Variants in LOC400499 observed in about 807,000 individuals in gnomAD.
At chr16:11,394,856 G>A in the LOC400499 span, among the ~76,000 whole-genome samples, 1 of 152,218 alleles carries the variant, frequency 6.6e-6, no homozygotes, top group African/African-American at 2.4e-5. Context: ...TGGCCCTGCT[G>A]ACAACTTGCT....
chr16:11,446,821 G>C, the LOC400499 span: 2 of 1,536,166 alleles, frequency 1.3e-6, no homozygotes, highest in East Asian at 4.9e-5. Flanking sequence ...GACAACCCTA[G>C]TCTCCAGGGA....
the LOC400499 span, chr16:11,514,443 G>A: frequency 0.6 from 239,846 of 398,914 alleles, 73,897 homozygotes; most frequent in Admixed American, 0.66. Context: ...GCCTTTGCAG[G>A]AAGTGGCCCC....
At chr16:11,446,935 C>A in the LOC400499 span, 1 of 1,523,858 alleles carries the variant, frequency 6.6e-7, no homozygotes, top group Non-Finnish European at 8.8e-7. Flanking sequence ...GAAAAACAGG[C>A]CAAAGCCATT....
At chr16:11,493,065 G>A in the LOC400499 span, among the ~76,000 whole-genome samples, 1 of 152,188 alleles carries the variant, frequency 6.6e-6, no homozygotes, top group Non-Finnish European at 1.5e-5. Context: ...GCAATGTGCT[G>A]GGGAGGAGGG....
chr16:11,526,889 T>C, the LOC400499 span, among the ~76,000 whole-genome samples: 5 of 152,128 alleles, frequency 3.3e-5, no homozygotes, highest in African/African-American at 1.2e-4. Context: ...AATCCCTGCC[T>C]TGTCTGAGTT....
At chr16:11,466,395 T>G in the LOC400499 span, among the ~76,000 whole-genome samples, 1 of 66,642 alleles carries the variant, frequency 1.5e-5, no homozygotes, top group Non-Finnish European at 2.8e-5. Flanking sequence ...TCATTTAGAT[T>G]TTTTTTTTTT....
At chr16:11,427,651 G>T in the LOC400499 span, among the ~76,000 whole-genome samples, 1 of 152,018 alleles carries the variant, frequency 6.6e-6, no homozygotes, top group African/African-American at 2.4e-5. Context: ...TCCCTATGTT[G>T]CCCAGGCTGG....
At chr16:11,487,853 T>C in the LOC400499 span, among the ~76,000 whole-genome samples, 11,622 of 152,176 alleles carry the variant, frequency 0.076, 804 homozygotes, top group East Asian at 0.31. Context: ...CAGTGGCTCA[T>C]GCCTGTAATC....
At chr16:11,460,970 G>A in the LOC400499 span, 5 of 1,534,122 alleles carry the variant, frequency 3.3e-6, no homozygotes, top group Admixed American at 3.9e-5. Flanking sequence ...TTACCCAGGA[G>A]GCTGTACTGG....
the LOC400499 span, among the ~76,000 whole-genome samples, chr16:11,432,409 A>AC: frequency 6.6e-6 from 1 of 152,230 alleles, no homozygotes; most frequent in African/African-American, 2.4e-5. Context: ...TCCTTACAAA[A>AC]GCCCTGTGAG....
the LOC400499 span, among the ~76,000 whole-genome samples, chr16:11,377,224 T>C: frequency 2.6e-5 from 4 of 152,244 alleles, no homozygotes; most frequent in Non-Finnish European, 4.4e-5. Flanking sequence ...TGACAAATTA[T>C]TAGTTCTAAC....
At chr16:11,499,227 C>G in the LOC400499 span, among the ~76,000 whole-genome samples, 6 of 748 alleles carry the variant, frequency 8.0e-3, 2 homozygotes, top group Non-Finnish European at 0.014. Context: ...GGAAGGGAGG[C>G]AGAGGGGAGG....
chr16:11,382,171 C>T, the LOC400499 span, among the ~76,000 whole-genome samples: 4 of 152,182 alleles, frequency 2.6e-5, no homozygotes, highest in Non-Finnish European at 5.9e-5. Flanking sequence ...CTCCTGACCT[C>T]AGGTGATCTG....
At chr16:11,408,906 A>G in the LOC400499 span, among the ~76,000 whole-genome samples, 1 of 152,058 alleles carries the variant, frequency 6.6e-6, no homozygotes, top group Non-Finnish European at 1.5e-5. Flanking sequence ...AGGAAAATCT[A>G]GTATGTGGGT....
chr16:11,430,412 C>G, the LOC400499 span, among the ~76,000 whole-genome samples: 5 of 152,134 alleles, frequency 3.3e-5, no homozygotes, highest in African/African-American at 1.2e-4. Context: ...ATTGCTTGTA[C>G]CCGGGAGGCG....
the LOC400499 span, chr16:11,407,256 C>T: frequency 7.5e-6 from 3 of 399,046 alleles, no homozygotes; most frequent in East Asian, 1.1e-4. Context: ...TTAGCAGCTA[C>T]CTGCCGGGTG....
chr16:11,433,462 A>G, the LOC400499 span, among the ~76,000 whole-genome samples: 13 of 152,224 alleles, frequency 8.5e-5, no homozygotes, highest in Middle Eastern at 6.3e-3. Context: ...TACTCAAAAT[A>G]CCAGCATAAT....
the LOC400499 span, among the ~76,000 whole-genome samples, chr16:11,458,301 G>A: frequency 6.3e-4 from 96 of 152,138 alleles, no homozygotes; most frequent in Non-Finnish European, 4.9e-4. Context: ...AGCCAAGGTC[G>A]TGCCACTGCA....
the LOC400499 span, chr16:11,487,531 A>C: frequency 5.6e-5 from 22 of 394,904 alleles, no homozygotes; most frequent in East Asian, 4.7e-4. Flanking sequence ...AACAGCCTTT[A>C]AGCCTTTTCA....
Sources: allele counts gnomAD v4.1 joint callset (sites outside exome capture counted in the v4.1 genomes callset), GRCh38; gene constraint gnomAD v4.1.1; transcripts MANE v1.5.